PTPN4: variants seen among roughly 807,000 people sequenced by gnomAD.
PTPN4 encodes protein tyrosine phosphatase non-receptor type 4, also known as tyrosine-protein phosphatase non-receptor type 4.
PTPN4 carries 49 observed loss-of-function variants against 135.5 expected under a neutral mutation model. The ratio of observed to expected loss-of-function variants is 0.36; its 90% CI spans 0.29 to 0.46. The LOEUF (loss-of-function observed/expected upper bound fraction) is 0.46. PTPN4 is among the 20% of genes least tolerant of loss of function. The probability of loss-of-function intolerance (pLI) is 1.00; values close to 1 mark genes in which losing one functional copy is unlikely to be tolerated. For missense variants in PTPN4, 860 were observed against 1,101.0 expected, an observed-to-expected ratio of 0.78 and a Z score of 3.10; for synonymous variants, 333 against 369.9, an observed-to-expected ratio of 0.90 and a Z score of 1.14.
In PTPN4 at chr2:119,885,821, T is replaced by A; in HGVS notation, c.614T>A (p.Phe205Tyr). The A allele has an allele frequency of 6.2e-7, 1 of 1,602,276 alleles. No individual in the cohort carries two copies. Residue 205 changes from phenylalanine to tyrosine, a missense_variant, in exon 9 of 27, where the codon TTT becomes TAT. By Grantham distance (22) the Phe-to-Tyr change is conservative. Transcript: ENST00000263708. ...HIGLSPAEAE[F>Y]NYLNTARTLE... is the part of the protein sequence containing the mutation. The stretch of plus-strand genomic sequence containing the variant: ...GGCTTATCTCCTGCAGAAGCAGAAT[T>A]TAATTACCTAAACACAGCACGTACC...
chr2:119,945,995 T>C (rs1362839869), intron 16 of PTPN4, among the ~76,000 whole-genome samples: 1 of 152,146 alleles, frequency 6.6e-6, no homozygotes, highest in African/African-American at 2.4e-5. Context: ...TGAATTCATG[T>C]AACACTTATG....
intron 3 of PTPN4, among the ~76,000 whole-genome samples, chr2:119,863,545 T>A (rs1677790585): frequency 6.6e-6 from 1 of 152,156 alleles, no homozygotes; most frequent in African/African-American, 2.4e-5. Context: ...ATACAAATAA[T>A]GTTTATGAGA....
intron 2 of PTPN4, among the ~76,000 whole-genome samples, chr2:119,826,284 C>T (rs1677144451): frequency 6.6e-6 from 1 of 152,200 alleles, no homozygotes. Flanking sequence ...CCTAGCTGCA[C>T]TATACTTATT....
At chr2:119,802,667 G>T (rs976387527) in intron 1 of PTPN4, among the ~76,000 whole-genome samples, 3 of 152,102 alleles carry the variant, frequency 2.0e-5, no homozygotes, top group Admixed American at 6.6e-5. Context: ...AGGAATATTG[G>T]TTTGTAGTTT....
rs772324388 is a variant in PTPN4, at chr2:119,982,610, A to C, written c.*5540A>C. ...ACTGTTTGTAAGTATAAAATAATTG[A>C]ATTCTAGACTTTTGGAGTGTGGAAG... is the stretch of plus-strand genomic sequence containing the variant. On this transcript the variant is annotated 3_prime_UTR_variant, in exon 27 of 27. Coordinates refer to ENST00000263708, the MANE Select transcript of PTPN4 (RefSeq NM_002830.4). The C allele has an allele frequency of 3.3e-5, 5 of 152,208 alleles. No homozygotes were observed. Among genetic ancestry groups the C allele is most frequent in the Non-Finnish European group, 7.3e-5 (5 of 68,028 alleles). The allele number at this position is 152,208 out of a possible 1,614,324, so 9.4% of individuals were successfully genotyped here. A position where few individuals can be genotyped will look rare whatever the true frequency, so the allele number is the denominator to read the frequency against.
chr2:119,928,447 T>C (rs1433268479), intron 13 of PTPN4, among the ~76,000 whole-genome samples: 1 of 152,162 alleles, frequency 6.6e-6, no homozygotes, highest in Admixed American at 6.5e-5. Flanking sequence ...TAAGTTAATC[T>C]TTATTTTAAA....
Position 119,812,343 on chromosome 2 carries a change from A to C in PTPN4, c.138+2352A>C, listed in dbSNP as rs150113524. Among the ~76,000 whole-genome samples the C allele has an allele frequency of 5.4e-4, 83 of 152,326 alleles. No individual in the cohort carries two copies. The Middle Eastern group carries it at 0.014, about 25-fold the overall frequency. On this transcript the variant is annotated intron_variant, in intron 2 of 26. Transcript: ENST00000263708. ...TTCACCAGCATTTCTCTGTTCACCA[A>C]GAAGGAGAACTACTCAGTTTCCTTT...
At chr2:119,791,468 G>T (rs551866380) in intron 1 of PTPN4, among the ~76,000 whole-genome samples, 46 of 152,176 alleles carry the variant, frequency 3.0e-4, no homozygotes, top group African/African-American at 1.1e-3. Context: ...TTTATTATAG[G>T]ACAGATTGCT....
At chr2:119,808,966 A>G (rs1574345708) in intron 1 of PTPN4, among the ~76,000 whole-genome samples, 1 of 152,100 alleles carries the variant, frequency 6.6e-6, no homozygotes, top group African/African-American at 2.4e-5. Flanking sequence ...TACTCATTCA[A>G]ACATCCCAAA....
intron 14 of PTPN4, 29 bp downstream of exon 14, chr2:119,932,578 G>A: frequency 6.5e-7 from 1 of 1,549,350 alleles, no homozygotes; most frequent in Non-Finnish European, 8.7e-7. Flanking sequence ...ACCAACATCA[G>A]GTGTGAATTT....
chr2:119,785,751 CGT>C (rs1193351741), intron 1 of PTPN4, among the ~76,000 whole-genome samples: 1 of 151,770 alleles, frequency 6.6e-6, no homozygotes, highest in Admixed American at 6.6e-5. Context: ...TGTGTGTCTA[CGT>C]GTGTGAGAGA....
chr2:119,900,176 G>A (rs1678382767), intron 9 of PTPN4, among the ~76,000 whole-genome samples: 2 of 152,040 alleles, frequency 1.3e-5, no homozygotes, highest in South Asian at 4.2e-4. Flanking sequence ...ATTCTCCGGG[G>A]TCTTCTAAAC....
chr2:119,948,206 TTATC>T (rs1349844139), intron 18 of PTPN4, among the ~76,000 whole-genome samples: 1 of 152,060 alleles, frequency 6.6e-6, no homozygotes, highest in Admixed American at 6.6e-5. Context: ...GATTGATGAA[TTATC>T]TATCATGTAC....
chr2:119,889,488 T>C (rs1678210095), intron 9 of PTPN4, among the ~76,000 whole-genome samples: 1 of 152,222 alleles, frequency 6.6e-6, no homozygotes, highest in African/African-American at 2.4e-5. Flanking sequence ...CTCCTTTTCA[T>C]TTCTGATTTT....
At chr2:119,917,673 G>A (rs145807949) in intron 11 of PTPN4, among the ~76,000 whole-genome samples, 3,657 of 151,970 alleles carry the variant, frequency 0.024, 65 homozygotes, top group Non-Finnish European at 0.033. Flanking sequence ...AGGTTGCAGT[G>A]AGCCAATATC....
chr2:119,975,122 A>G (rs999975310), intron 26 of PTPN4, among the ~76,000 whole-genome samples: 1 of 151,912 alleles, frequency 6.6e-6, no homozygotes, highest in Non-Finnish European at 1.5e-5. Context: ...GTTTATTTGC[A>G]GTATTTTTGA....
chr2:119,839,118 T>G (rs993389960), intron 2 of PTPN4, among the ~76,000 whole-genome samples: 10 of 152,110 alleles, frequency 6.6e-5, no homozygotes, highest in African/African-American at 2.2e-4. Context: ...GAATTAAGGG[T>G]TTTTTCCCCT....
intron 8 of PTPN4, among the ~76,000 whole-genome samples, chr2:119,884,625 G>C (rs1199112477): frequency 6.6e-6 from 1 of 152,134 alleles, no homozygotes; most frequent in Non-Finnish European, 1.5e-5. Context: ...AGATAAGCCA[G>C]ATTTTTTTAA....
intron 12 of PTPN4, among the ~76,000 whole-genome samples, chr2:119,922,986 A>G (rs1021040209): frequency 1.3e-5 from 2 of 152,156 alleles, no homozygotes; most frequent in Non-Finnish European, 2.9e-5. Flanking sequence ...TAATCTCTCT[A>G]GAATATGTAA....
Sources: gnomAD v4.1 joint callset for allele counts (sites outside exome capture counted in the v4.1 genomes callset) on GRCh38, gnomAD v4.1.1 for gene constraint, MANE v1.5 for transcripts, NCBI Gene and HGNC (gene_info 2026-07-23, HGNC 2026-07-21) for gene names.